SGCD: variants seen among roughly 807,000 people sequenced by gnomAD.
SGCD encodes delta-sarcoglycan.
A neutral mutation model predicts 36.6 loss-of-function variants in SGCD; 18 were observed. That is an observed-to-expected ratio of 0.49 (90% CI 0.34 to 0.73). The LOEUF is 0.73. Among genes scored for constraint, SGCD ranks in the 30% least tolerant of loss-of-function variants. The pLI, the probability that SGCD is intolerant of heterozygous loss-of-function variation, is 0.01. For missense variants in SGCD, 387 were observed against 346.7 expected (o/e 1.12, Z -0.92); for synonymous variants, 133 against 130.6 (o/e 1.02, Z -0.12).
chr5:156,360,214 C>T (rs536576299), intron 3 of SGCD, among the ~76,000 whole-genome samples: 27 of 151,676 alleles, frequency 1.8e-4, no homozygotes, highest in African/African-American at 5.6e-4. Context: ...CCCTACCCTT[C>T]GCCTATTTTA....
chr5:156,412,168 G>A (rs906539321), intron 3 of SGCD, among the ~76,000 whole-genome samples: 9 of 152,154 alleles, frequency 5.9e-5, no homozygotes, highest in African/African-American at 2.2e-4. Context: ...CCTGGGTAAG[G>A]GTCAGAGTAG....
chr5:156,112,510 G>A (rs962969563), intron 1 of SGCD, among the ~76,000 whole-genome samples: 22 of 152,174 alleles, frequency 1.4e-4, no homozygotes, highest in African/African-American at 5.1e-4. Context: ...AACCTGTGGT[G>A]GTAACAAGGT....
At chr5:156,598,481 G>T (rs1761028986) in intron 6 of SGCD, among the ~76,000 whole-genome samples, 1 of 152,178 alleles carries the variant, frequency 6.6e-6, no homozygotes. Flanking sequence ...GGTGGAGGTT[G>T]CAGAGAGCCA....
intron 1 of SGCD, among the ~76,000 whole-genome samples, chr5:155,984,340 C>T (rs1243094129): frequency 6.6e-6 from 1 of 152,018 alleles, no homozygotes; most frequent in Non-Finnish European, 1.5e-5. Flanking sequence ...AGGGGTTTTT[C>T]CTAAATCTGT....
rs570316708 is a variant in SGCD at position 156,159,888 on chromosome 5, G to A, written c.-44+35869G>A. Among the ~76,000 whole-genome samples, 3 of 151,444 alleles carry A rather than the reference G, an allele frequency of 2.0e-5. No individual in the cohort carries two copies. In the South Asian group the frequency reaches 6.2e-4, roughly 31 times the overall value. The stretch of plus-strand genomic sequence containing the variant: ...TACCTTCTTTAACAAATCTTGTATT[G>A]TTAAATATGTAGATTTTTGGAAAGT... On this transcript the variant is annotated intron_variant, in intron 3 of 9. Coordinates refer to the SGCD transcript ENST00000517913.
the SGCD span, among the ~76,000 whole-genome samples, chr5:155,861,043 C>G: frequency 6.6e-6 from 1 of 152,186 alleles, no homozygotes; most frequent in Admixed American, 6.5e-5. Flanking sequence ...CGTGCACACA[C>G]ACACATATTT....
At chr5:156,496,439 T>C (rs1366974150) in intron 3 of SGCD, among the ~76,000 whole-genome samples, 1 of 152,096 alleles carries the variant, frequency 6.6e-6, no homozygotes, top group African/African-American at 2.4e-5. Flanking sequence ...GCTGCGTAAG[T>C]AGTATCTAGG....
intron 3 of SGCD, among the ~76,000 whole-genome samples, chr5:156,373,937 A>G (rs1305847756): frequency 6.6e-6 from 1 of 152,192 alleles, no homozygotes; most frequent in Admixed American, 6.5e-5. Context: ...CGAAATAGAA[A>G]CAAAGACCTT....
intron 3 of SGCD, among the ~76,000 whole-genome samples, chr5:156,307,719 C>G (rs1767263757): frequency 6.6e-6 from 1 of 151,512 alleles, no homozygotes; most frequent in South Asian, 2.1e-4. Context: ...TACATTTAAC[C>G]TCTTAATATT....
At chr5:156,297,644 G>C (rs1385531356) in intron 3 of SGCD, among the ~76,000 whole-genome samples, 3 of 124,526 alleles carry the variant, frequency 2.4e-5, no homozygotes, top group African/African-American at 6.0e-5. Flanking sequence ...GTTGTGGGGT[G>C]GGGGGAGGGG....
intron 3 of SGCD, among the ~76,000 whole-genome samples, chr5:156,245,338 A>G (rs1302295346): frequency 6.6e-6 from 1 of 152,202 alleles, no homozygotes; most frequent in African/African-American, 2.4e-5. Context: ...GAAAGTTATT[A>G]TTGATAGGAA....
intron 5 of SGCD, among the ~76,000 whole-genome samples, chr5:156,590,798 C>A (rs181158119): frequency 5.3e-5 from 8 of 150,488 alleles, no homozygotes; most frequent in African/African-American, 1.9e-4. Context: ...CACCCCTTTT[C>A]CCCTCCCCTT....
At chr5:155,808,748 G>A in the SGCD span, among the ~76,000 whole-genome samples, 5 of 152,152 alleles carry the variant, frequency 3.3e-5, no homozygotes, top group Admixed American at 2.0e-4. Flanking sequence ...AAATAGTAGT[G>A]TTTAAAACAA....
chr5:155,777,686 A>G, the SGCD span, among the ~76,000 whole-genome samples: 2 of 151,828 alleles, frequency 1.3e-5, no homozygotes, highest in East Asian at 3.9e-4. Flanking sequence ...CAAACCCACC[A>G]CTGTTAGCAG....
At chr5:156,245,173 C>G (rs1289088584) in intron 3 of SGCD, among the ~76,000 whole-genome samples, 6 of 152,172 alleles carry the variant, frequency 3.9e-5, no homozygotes, top group Non-Finnish European at 8.8e-5. Flanking sequence ...TTCTCTCTGG[C>G]ATTTATTTTA....
chr5:156,681,771 C>A (rs1753731939), intron 7 of SGCD, among the ~76,000 whole-genome samples: 1 of 152,194 alleles, frequency 6.6e-6, no homozygotes, highest in Non-Finnish European at 1.5e-5. Context: ...TTAAAAGAAA[C>A]TCTACCATAG....
At chr5:156,466,947 G>C (rs1754746264) in intron 3 of SGCD, among the ~76,000 whole-genome samples, 1 of 152,142 alleles carries the variant, frequency 6.6e-6, no homozygotes, top group Non-Finnish European at 1.5e-5. Flanking sequence ...AGGGCCTGTA[G>C]TGTATGCCGA....
intron 6 of SGCD, among the ~76,000 whole-genome samples, chr5:156,634,464 A>G (rs895060983): frequency 1.4e-5 from 2 of 145,032 alleles, no homozygotes; most frequent in Admixed American, 6.7e-5. Context: ...AACAGCAACA[A>G]CAACAACAAC....
intron 3 of SGCD, among the ~76,000 whole-genome samples, chr5:156,256,418 C>G (rs954492458): frequency 6.6e-6 from 1 of 152,168 alleles, no homozygotes; most frequent in Non-Finnish European, 1.5e-5. Context: ...ACATATAGAA[C>G]CAGACAGTAT....
Sources: gnomAD v4.1 joint callset for allele counts (sites outside exome capture counted in the v4.1 genomes callset) on GRCh38, gnomAD v4.1.1 for gene constraint, MANE v1.5 for transcripts, NCBI Gene and HGNC (gene_info 2026-07-23, HGNC 2026-07-21) for gene names.